CNTNAP2: variants seen among roughly 807,000 people sequenced by gnomAD.
CNTNAP2 encodes contactin associated protein 2.
Under a neutral mutation model 155.2 loss-of-function variants are expected in CNTNAP2, and 98 were observed. The ratio of observed to expected loss-of-function variants is 0.63; its 90% CI spans 0.54 to 0.75. The LOEUF is 0.75. Among genes scored for constraint, CNTNAP2 ranks in the 30% least tolerant of loss-of-function variants. The pLI, the probability that CNTNAP2 is intolerant of heterozygous loss-of-function variation, is 0.00. For synonymous variants in CNTNAP2, 651 were observed against 631.2 expected, an observed-to-expected ratio of 1.03 and a Z score of -0.47; for missense variants, 1,727 against 1,688.1, an observed-to-expected ratio of 1.02 and a Z score of -0.40.
At chr7:147,513,839 A>T (rs1232718088) in intron 11 of CNTNAP2, among the ~76,000 whole-genome samples, 1 of 152,146 alleles carries the variant, frequency 6.6e-6, no homozygotes, top group Non-Finnish European at 1.5e-5. Context: ...CACCCGGGGG[A>T]TATGCGTTTT....
At chr7:148,307,505 AG>A (rs887482441) in intron 21 of CNTNAP2, among the ~76,000 whole-genome samples, 76 of 152,310 alleles carry the variant, frequency 5.0e-4, no homozygotes, top group African/African-American at 1.6e-3. Context: ...AGCTCTAAAA[AG>A]GTTGTTATCA....
At chr7:147,218,781 A>AT (rs1803330465) in intron 8 of CNTNAP2, among the ~76,000 whole-genome samples, 1 of 151,932 alleles carries the variant, frequency 6.6e-6, no homozygotes, top group African/African-American at 2.4e-5. Context: ...GTTTTTACTG[A>AT]TTTTCTGCCT....
intron 9 of CNTNAP2, among the ~76,000 whole-genome samples, chr7:147,325,813 T>C (rs1284204780): frequency 6.6e-6 from 1 of 152,222 alleles, no homozygotes; most frequent in African/African-American, 2.4e-5. Context: ...ATGACCATCA[T>C]CACTATTGGT....
At chr7:146,377,844 T>C (rs1261424812) in intron 1 of CNTNAP2, among the ~76,000 whole-genome samples, 1 of 152,208 alleles carries the variant, frequency 6.6e-6, no homozygotes, top group Non-Finnish European at 1.5e-5. Flanking sequence ...ATTGTTGAAG[T>C]TGGATTATGA....
chr7:148,065,631 TG>T (rs1364726643), intron 15 of CNTNAP2, among the ~76,000 whole-genome samples: 1 of 152,218 alleles, frequency 6.6e-6, no homozygotes, highest in Non-Finnish European at 1.5e-5. Flanking sequence ...GGTGTCCATT[TG>T]CATGGAATAT....
chr7:146,427,298 A>G (rs1331136210), intron 1 of CNTNAP2, among the ~76,000 whole-genome samples: 1 of 152,172 alleles, frequency 6.6e-6, no homozygotes, highest in Non-Finnish European at 1.5e-5. Flanking sequence ...TATTTTTGGG[A>G]AAGAGCCAGA....
chr7:146,726,949 A>C (rs1327464555), intron 1 of CNTNAP2, among the ~76,000 whole-genome samples: 1 of 152,040 alleles, frequency 6.6e-6, no homozygotes, highest in Non-Finnish European at 1.5e-5. Flanking sequence ...ATATAACCAG[A>C]TATATTTACT....
At chr7:148,130,093 T>A (rs1351862458) in intron 16 of CNTNAP2, among the ~76,000 whole-genome samples, 2 of 152,218 alleles carry the variant, frequency 1.3e-5, no homozygotes, top group Non-Finnish European at 2.9e-5. Context: ...CTGAAATCCA[T>A]CATTTTCACT....
chr7:147,930,201 T>A (rs1404892752), intron 14 of CNTNAP2, among the ~76,000 whole-genome samples: 3 of 149,850 alleles, frequency 2.0e-5, no homozygotes, highest in Admixed American at 6.6e-5. Context: ...ACAAAAAAGG[T>A]TAACAAAATG....
At chr7:147,701,225 C>A (rs911444154) in intron 13 of CNTNAP2, among the ~76,000 whole-genome samples, 4 of 152,114 alleles carry the variant, frequency 2.6e-5, no homozygotes, top group Admixed American at 1.3e-4. Context: ...CCCTTGCCTT[C>A]ATGTAAAATG....
chr7:147,785,342 G>C (rs1797723556), intron 13 of CNTNAP2, among the ~76,000 whole-genome samples: 1 of 152,168 alleles, frequency 6.6e-6, no homozygotes, highest in Non-Finnish European at 1.5e-5. Context: ...TGGCTCAGGA[G>C]GGAAGGGGGA....
At chr7:148,381,501 T>C (rs1339344301) in intron 21 of CNTNAP2, 2 of 152,228 alleles carry the variant, frequency 1.3e-5, no homozygotes, top group African/African-American at 4.8e-5. Flanking sequence ...TCTCTGATGT[T>C]ACGTGTCAAG....
At chr7:147,056,014 T>G (rs1799554583) in intron 4 of CNTNAP2, among the ~76,000 whole-genome samples, 1 of 152,210 alleles carries the variant, frequency 6.6e-6, no homozygotes, top group South Asian at 2.1e-4. Flanking sequence ...TTATTAATAA[T>G]CTTTGGCTCT....
At chr7:148,274,013 G>A (rs1439538586) in intron 21 of CNTNAP2, among the ~76,000 whole-genome samples, 1 of 152,132 alleles carries the variant, frequency 6.6e-6, no homozygotes, top group Admixed American at 6.5e-5. Flanking sequence ...ATCATATACT[G>A]TGATAACCAT....
At chr7:147,949,614 G>A (rs1397612021) in intron 14 of CNTNAP2, among the ~76,000 whole-genome samples, 1 of 152,074 alleles carries the variant, frequency 6.6e-6, no homozygotes, top group East Asian at 1.9e-4. Context: ...GAATTCAAAA[G>A]GAACCTGGTT....
chr7:146,952,631 A>G (rs975138010), intron 3 of CNTNAP2, among the ~76,000 whole-genome samples: 25 of 152,172 alleles, frequency 1.6e-4, no homozygotes, highest in Admixed American at 5.9e-4. Context: ...CTATACACCA[A>G]TAATAGACAA....
intron 10 of CNTNAP2, among the ~76,000 whole-genome samples, chr7:147,398,068 T>C (rs1216779486): frequency 1.3e-5 from 2 of 152,154 alleles, no homozygotes; most frequent in Non-Finnish European, 2.9e-5. Context: ...ATCTTAAGCA[T>C]GAAGTGTTGT....
intron 3 of CNTNAP2, among the ~76,000 whole-genome samples, chr7:146,936,972 C>T (rs1285395557): frequency 6.6e-6 from 1 of 152,168 alleles, no homozygotes; most frequent in East Asian, 1.9e-4. Flanking sequence ...AAAATGTGTT[C>T]ATGAACATGA....
At chr7:147,483,582 C>G (rs756659333) in intron 10 of CNTNAP2, among the ~76,000 whole-genome samples, 2 of 152,098 alleles carry the variant, frequency 1.3e-5, no homozygotes, top group Admixed American at 6.5e-5. Context: ...CTACTTCCCC[C>G]GAATTAATTG....
Sources: allele counts gnomAD v4.1 joint callset (sites outside exome capture counted in the v4.1 genomes callset), GRCh38; gene constraint gnomAD v4.1.1; transcripts MANE v1.5; gene names NCBI Gene and HGNC (gene_info 2026-07-23, HGNC 2026-07-21).